Variants in FMN2 observed in about 807,000 individuals in gnomAD.
FMN2 encodes formin 2, also known as formin-2.
A neutral mutation model predicts 142.3 loss-of-function variants in FMN2; 51 were observed. The ratio of observed to expected loss-of-function variants is 0.36; its 90% CI spans 0.29 to 0.45. FMN2 has a LOEUF of 0.45. FMN2 is among the 20% of genes least tolerant of loss of function. The pLI is 1.00. For synonymous variants in FMN2, 882 were observed against 869.8 expected (o/e 1.01, Z -0.25); for missense variants, 1,936 against 2,122.8 (o/e 0.91, Z 1.73).
At chr1:240,111,933 A>G (rs573612366) in intron 1 of FMN2, among the ~76,000 whole-genome samples, 1 of 152,296 alleles carries the variant, frequency 6.6e-6, no homozygotes, top group Non-Finnish European at 1.5e-5. Flanking sequence ...TTCAGGGGAA[A>G]GGAATAGGCA....
intron 11 of FMN2, among the ~76,000 whole-genome samples, chr1:240,333,368 CCTTTA>C (rs1186779106): frequency 6.6e-5 from 10 of 151,974 alleles, no homozygotes; most frequent in African/African-American, 2.4e-4. Context: ...TAAAAGCTCC[CCTTTA>C]CTTAGTATTG....
At chr1:240,242,738 A>G (rs542223190) in intron 6 of FMN2, among the ~76,000 whole-genome samples, 14 of 152,302 alleles carry the variant, frequency 9.2e-5, no homozygotes, top group Admixed American at 3.9e-4. Context: ...AGGCAGGACA[A>G]ACAAAGCAAG....
chr1:240,428,665 C>T (rs1293163575), intron 15 of FMN2, among the ~76,000 whole-genome samples: 1 of 152,176 alleles, frequency 6.6e-6, no homozygotes, highest in East Asian at 1.9e-4. Flanking sequence ...CCAGGCAGCT[C>T]TGGATCTTTA....
At chr1:240,276,963 T>C (rs1483940812) in intron 7 of FMN2, among the ~76,000 whole-genome samples, 1 of 152,190 alleles carries the variant, frequency 6.6e-6, no homozygotes, top group Non-Finnish European at 1.5e-5. Flanking sequence ...TTCCAAGTTG[T>C]TTTAAATCAG....
intron 15 of FMN2, among the ~76,000 whole-genome samples, chr1:240,411,683 C>T (rs1020901233): frequency 1.5e-4 from 22 of 147,402 alleles, no homozygotes; most frequent in African/African-American, 4.8e-4. Flanking sequence ...GGCGTGAAAA[C>T]ATAGAACTTA....
At chr1:240,178,419 C>T (rs1208893193) in intron 3 of FMN2, among the ~76,000 whole-genome samples, 4 of 139,042 alleles carry the variant, frequency 2.9e-5, no homozygotes, top group African/African-American at 1.1e-4. Flanking sequence ...GTTGTTTTGT[C>T]CTTTTTTCCC....
rs1172708238 is a variant in FMN2 at position 240,178,516 on chromosome 1, G to A, written c.1930+448G>A. On this transcript the variant is annotated intron_variant, in intron 3 of 17. Coordinates refer to ENST00000319653, the MANE Select transcript of FMN2 (RefSeq NM_020066.5). Reference sequence around the variant, plus strand: ...GCTAGAGTGCAGTGGAGCATGACTCGCTGCAGTCTCAACTTCCCTGGCTCA... The same window carrying A: ...GCTAGAGTGCAGTGGAGCATGACTCACTGCAGTCTCAACTTCCCTGGCTCA... 2.0e-5 allele frequency among the ~76,000 whole-genome samples: 3 copies of A among 147,024 alleles called. No individual in the cohort carries two copies. The Admixed American group carries it at 2.1e-4, about 10-fold the overall frequency.
chr1:240,243,262 A>T (rs1377947446), intron 6 of FMN2, among the ~76,000 whole-genome samples: 1 of 152,214 alleles, frequency 6.6e-6, no homozygotes, highest in Non-Finnish European at 1.5e-5. Flanking sequence ...ATAGTATCAG[A>T]CAGTTCAGAA....
intron 7 of FMN2, among the ~76,000 whole-genome samples, chr1:240,289,257 C>T (rs1669693610): frequency 6.6e-6 from 1 of 152,144 alleles, no homozygotes; most frequent in African/African-American, 2.4e-5. Context: ...GAGACTGCTC[C>T]AGTCCTGTCT....
rs764400388 is a variant in FMN2, at chr1:240,092,959, G to A, written c.850G>A (p.Ala284Thr). The part of the protein sequence containing the change: ...SALSDLPESL[A>T]AEPREPQQPP... ...GCTCTCCGACCTGCCCGAGAGCCTG[G>A]CCGCCGAGCCCCGGGAGCCCCAGCA... Residue 284 changes from alanine (A) to threonine (T), a missense_variant, in exon 1 of 18, where the codon GCC (alanine) becomes ACC (threonine). This residue lies in a region of FMN2 where 751 missense variants were observed against 791.8 expected (regional missense o/e 0.95). Transcript: ENST00000319653. 6.4e-6 allele frequency: 9 copies of A among 1,415,954 alleles called. No individual in the cohort carries two copies. The South Asian group carries it at 1.4e-4, about 21-fold the overall frequency. The allele number at this position is 1,415,954 out of a possible 1,614,324, so 87.7% of individuals were successfully genotyped here. A position where few individuals can be genotyped will look rare whatever the true frequency, so the allele number is the denominator to read the frequency against.
At chr1:240,283,541 T>C (rs549584984) in intron 7 of FMN2, among the ~76,000 whole-genome samples, 5 of 152,316 alleles carry the variant, frequency 3.3e-5, no homozygotes, top group African/African-American at 1.2e-4. Flanking sequence ...CAATGACTTT[T>C]GTTTTTCACA....
chr1:240,228,792 CT>C (rs143152794), intron 6 of FMN2, among the ~76,000 whole-genome samples: 146 of 151,764 alleles, frequency 9.6e-4, no homozygotes, highest in African/African-American at 3.2e-3. Flanking sequence ...TTAAGATAAA[CT>C]TTTTTTTCCC....
intron 15 of FMN2, among the ~76,000 whole-genome samples, chr1:240,415,329 G>A (rs187403914): frequency 8.5e-5 from 13 of 152,164 alleles, no homozygotes; most frequent in Non-Finnish European, 1.5e-4. Flanking sequence ...AGTGGGAGTT[G>A]AACAGTGAGA....
chr1:240,164,846 AT>A (rs1166954450), intron 2 of FMN2, among the ~76,000 whole-genome samples: 5 of 152,034 alleles, frequency 3.3e-5, no homozygotes, highest in Admixed American at 6.6e-5. Context: ...CTTTCATTTT[AT>A]GTTTTCAGGA....
chr1:240,262,286 T>C (rs1199968686), intron 7 of FMN2, among the ~76,000 whole-genome samples: 2 of 152,112 alleles, frequency 1.3e-5, no homozygotes, highest in Non-Finnish European at 2.9e-5. Flanking sequence ...CAAAAGCAGT[T>C]TGTGAGCTGG....
intron 16 of FMN2, among the ~76,000 whole-genome samples, chr1:240,470,681 A>AT (rs2103247370): frequency 6.6e-6 from 1 of 152,308 alleles, no homozygotes; most frequent in African/African-American, 2.4e-5. Context: ...AAATTAGGCT[A>AT]TAAGGTCTAT....
At chr1:240,420,995 G>T (rs1401625275) in intron 15 of FMN2, among the ~76,000 whole-genome samples, 2 of 152,138 alleles carry the variant, frequency 1.3e-5, no homozygotes, top group African/African-American at 4.8e-5. Context: ...AGGAAGGCTG[G>T]GTGAGAAAAG....
At chr1:240,428,498 A>G (rs1388059823) in intron 15 of FMN2, among the ~76,000 whole-genome samples, 1 of 152,168 alleles carries the variant, frequency 6.6e-6, no homozygotes, top group Non-Finnish European at 1.5e-5. Context: ...AAGTGTTGCA[A>G]CTGCAGACAT....
intron 6 of FMN2, among the ~76,000 whole-genome samples, chr1:240,212,312 C>T (rs536986151): frequency 6.6e-6 from 1 of 152,288 alleles, no homozygotes; most frequent in African/African-American, 2.4e-5. Flanking sequence ...GACAGCTAGA[C>T]CCCTGTGACC....
Sources: allele counts gnomAD v4.1 joint callset (sites outside exome capture counted in the v4.1 genomes callset), GRCh38; gene constraint gnomAD v4.1.1; regional missense constraint gnomAD v4.1.1; transcripts MANE v1.5; gene names NCBI Gene and HGNC (gene_info 2026-07-23, HGNC 2026-07-21).